Variants in POLR2F observed in about 807,000 individuals in gnomAD.
POLR2F encodes the protein DNA-directed RNA polymerases I, II, and III subunit RPABC2.
A neutral mutation model predicts 22.7 loss-of-function variants in POLR2F; 12 were observed. That is an observed-to-expected ratio of 0.53 (90% CI 0.34 to 0.86). POLR2F has a LOEUF of 0.86. Among genes scored for constraint, POLR2F ranks in the 40% least tolerant of loss-of-function variants. The probability of loss-of-function intolerance (pLI) is 0.02; values close to 1 mark genes in which losing one functional copy is unlikely to be tolerated. For synonymous variants in POLR2F, 57 were observed against 66.0 expected (o/e 0.86, Z 0.66); for missense variants, 126 against 171.5 (o/e 0.73, Z 1.48).
chr22:37,958,094 C>T (rs1165170993), intron 2 of POLR2F, among the ~76,000 whole-genome samples: 1 of 151,988 alleles, frequency 6.6e-6, no homozygotes, highest in Non-Finnish European at 1.5e-5. Flanking sequence ...GCACTACAGC[C>T]TTGAACTCCT....
At position 37,968,614 on chromosome 22, in the gene POLR2F, G is replaced by A. The variant is rs544402068; in HGVS notation, c.*899G>A. 46 of 985,590 alleles carry A rather than the reference G, an allele frequency of 4.7e-5. No homozygotes were observed. In the African/African-American group the frequency reaches 8.0e-4, roughly 17 times the overall value. 61.1% of individuals were successfully genotyped at this position (985,590 alleles called of 1,614,324 possible). ...CTCCACCCTGCTTACCCAACCTGAG[G>A]TAAGACCAGTCACACTGGCTCCTCC... On this transcript the variant is annotated 3_prime_UTR_variant, in exon 5 of 5. Coordinates refer to ENST00000442738, the MANE Select transcript of POLR2F (RefSeq NM_021974.5).
intron 2 of POLR2F, among the ~76,000 whole-genome samples, 195 bp from the exon 3 acceptor site, chr22:37,959,151 G>A (rs1189667806): frequency 3.3e-5 from 5 of 152,162 alleles, no homozygotes; most frequent in Non-Finnish European, 5.9e-5. Flanking sequence ...CCTCTGAAAT[G>A]AGAACTGTAA....
rs367836976 is a variant in POLR2F, at chr22:38,025,551, G to A, written c.121-318G>A. The A allele has an allele frequency of 1.8e-3, 2,574 of 1,463,662 alleles. 5 individuals carry two copies. Among genetic ancestry groups the A allele is most frequent in the South Asian group, 2.1e-3 (137 of 64,120 alleles). 90.7% of individuals were successfully genotyped at this position (1,463,662 alleles called of 1,614,324 possible). On this transcript the variant is annotated intron_variant, in intron 1 of 2. Transcript: ENST00000333418. ...TCGTCCCCCTCGTTTGCCTGTCCAC[G>A]CCCTTCTCCCATCTCTCTCATTTCC... is the stretch of plus-strand genomic sequence containing the variant.
chr22:37,982,043 G>T (rs1034520023), upstream of POLR2F, among the ~76,000 whole-genome samples: 1 of 152,216 alleles, frequency 6.6e-6, no homozygotes, highest in Admixed American at 6.5e-5. Context: ...GGCTGGCAAG[G>T]GGGAGGGCAG....
At chr22:38,005,159 GT>G (rs1318557549) in intron 1 of POLR2F, among the ~76,000 whole-genome samples, 5 of 152,238 alleles carry the variant, frequency 3.3e-5, no homozygotes, top group Admixed American at 6.5e-5. Context: ...TGTCTTTTAG[GT>G]AGAAAGCACC....
At chr22:37,973,879 G>A (rs747486161), downstream of POLR2F, 15 of 1,610,204 alleles carry the variant, frequency 9.3e-6, no homozygotes, top group South Asian at 7.7e-5. Flanking sequence ...GCAGAGCCAC[G>A]CCTGGTGGCT....
At chr22:38,031,325 C>T (rs1284924551), downstream of POLR2F, among the ~76,000 whole-genome samples, 4 of 152,172 alleles carry the variant, frequency 2.6e-5, no homozygotes, top group Non-Finnish European at 4.4e-5. This position sits in a 1 kb window ranked among gnomAD's most constrained non-coding sequence, Gnocchi z 4.1. Flanking sequence ...GAGGAGCCTA[C>T]TTCTGACAAC....
intron 5 of POLR2F, chr22:38,032,151 C>A (rs1358616793): frequency 1.3e-5 from 2 of 152,248 alleles, no homozygotes; most frequent in African/African-American, 2.4e-5. Flanking sequence ...GCACAAGCCA[C>A]CACACCCAGC....
chr22:38,013,263 A>G (rs997798173), intron 1 of POLR2F, among the ~76,000 whole-genome samples: 2 of 152,094 alleles, frequency 1.3e-5, no homozygotes, highest in African/African-American at 4.8e-5. Flanking sequence ...CTACTGCCTC[A>G]GCTTCCTGAG....
chr22:38,041,055 T>A, intron 5 of POLR2F: 1 of 1,612,872 alleles, frequency 6.2e-7, no homozygotes, highest in Non-Finnish European at 8.5e-7. Context: ...GTTATCCCTG[T>A]GTTATTTTCC....
downstream of POLR2F, chr22:38,041,256 CA>C (rs1186139572): frequency 1.5e-5 from 19 of 1,233,260 alleles, no homozygotes; most frequent in Middle Eastern, 2.9e-4. Context: ...GGGGCAGGCA[CA>C]GGGGGAGGGA....
intron 1 of POLR2F, among the ~76,000 whole-genome samples, chr22:38,022,800 G>T (rs1245136285): frequency 1.3e-5 from 2 of 151,974 alleles, no homozygotes; most frequent in African/African-American, 4.8e-5. Context: ...ATCACTTGAG[G>T]CCAGGAGTTC....
Position 37,980,603 on chromosome 22 carries a change from T to C in POLR2F, c.293+13433T>C, listed in dbSNP as rs1932368359. Among the ~76,000 whole-genome samples, 1 of 151,934 alleles carries C rather than the reference T, an allele frequency of 6.6e-6. No individual in the cohort carries two copies. On this transcript the variant is annotated intron_variant, in intron 4 of 4. Coordinates refer to the POLR2F transcript ENST00000405557. This position sits in a 1 kb window ranked among gnomAD's most constrained non-coding sequence, Gnocchi z 4.1. ...AACCCCAAGCCCAGCCTGCCCACCA[T>C]GTAAACCCAATCTCCAGCACCAGTC... is the stretch of plus-strand genomic sequence containing the variant.
At position 38,026,109 on chromosome 22, in the gene POLR2F, AT is replaced by A. The variant is rs902161404; in HGVS notation, c.362del (p.Ser122ProfsTer14). On this transcript the variant is annotated frameshift_variant, in exon 2 of 3. Transcript: ENST00000333418. LOFTEE classifies it low-confidence loss of function (END_TRUNC). The stretch of plus-strand genomic sequence containing the variant: ...ACTCCCCTCAGGTGCCCCTGCCTGG[AT>A]CCCCCACTGCCCCAGAAGGCTGGCC... 8 of 533,780 alleles carry A rather than the reference AT, an allele frequency of 1.5e-5. No individual in the cohort carries two copies. The African/African-American group carries it at 1.5e-4, about 10-fold the overall frequency. The allele number at this position is 533,780 out of a possible 1,614,324, so 33.1% of individuals were successfully genotyped here.
At chr22:37,974,156 G>C, downstream of POLR2F, 2 of 1,609,076 alleles carry the variant, frequency 1.2e-6, no homozygotes, top group Non-Finnish European at 1.7e-6. The surrounding 1 kb of genome is among the most constrained non-coding windows in gnomAD (Gnocchi z 5.4). Flanking sequence ...CTGCAGCTCT[G>C]TCTTCGGGGT....
At chr22:37,977,882 G>A (rs758684515) in intron 4 of POLR2F, 2 of 1,611,722 alleles carry the variant, frequency 1.2e-6, no homozygotes, top group Non-Finnish European at 1.7e-6. Flanking sequence ...GGGTGCTCGG[G>A]GTTCCCATCT....
chr22:38,023,942 A>G (rs1363208778), intron 1 of POLR2F, among the ~76,000 whole-genome samples: 1 of 149,014 alleles, frequency 6.7e-6, no homozygotes, highest in Non-Finnish European at 1.5e-5. Context: ...CCTGGGTTCC[A>G]GCAATTCTCC....
upstream of POLR2F, among the ~76,000 whole-genome samples, chr22:37,982,390 C>T (rs1358653467): frequency 6.6e-6 from 1 of 152,156 alleles, no homozygotes; most frequent in African/African-American, 2.4e-5. Context: ...CTCTGGCACT[C>T]CCGGGTGGGA....
At chr22:37,992,732 AT>A (rs748126275) in intron 1 of POLR2F, among the ~76,000 whole-genome samples, 117 of 152,190 alleles carry the variant, frequency 7.7e-4, no homozygotes, top group Admixed American at 2.0e-3. Context: ...ATTGCTTCTT[AT>A]CCTGTCAAAA....
Sources: allele counts gnomAD v4.1 joint callset (sites outside exome capture counted in the v4.1 genomes callset), GRCh38; gene constraint gnomAD v4.1.1; non-coding constraint Gnocchi (gnomAD v3.1); transcripts MANE v1.5; gene names NCBI Gene and HGNC (gene_info 2026-07-23, HGNC 2026-07-21).